The following KLHL28 variants were observed in gnomAD, a reference collection of about 807,000 sequenced individuals.
KLHL28 encodes the protein kelch-like protein 28.
Under a neutral mutation model 48.3 loss-of-function variants are expected in KLHL28, and 22 were observed. The observed-to-expected ratio is 0.46, with a 90% confidence interval of 0.33 to 0.65. The LOEUF (loss-of-function observed/expected upper bound fraction) is 0.65. Ranked by LOEUF, KLHL28 falls within the 30% of genes least tolerant of loss-of-function variation. KLHL28 has a pLI of 0.03. For synonymous variants in KLHL28, 243 were observed against 242.4 expected (o/e 1.00, Z -0.02); for missense variants, 527 against 704.3 (o/e 0.75, Z 2.85).
At chr14:44,952,081 G>A (rs1244940308) in intron 1 of KLHL28, among the ~76,000 whole-genome samples, 2 of 151,904 alleles carry the variant, frequency 1.3e-5, no homozygotes, top group Non-Finnish European at 2.9e-5. Context: ...GGCTAGTCTC[G>A]AACTCCTGGA....
chr14:44,955,837 C>T (rs1439193385), intron 1 of KLHL28, among the ~76,000 whole-genome samples: 1 of 152,076 alleles, frequency 6.6e-6, no homozygotes, highest in Non-Finnish European at 1.5e-5. Flanking sequence ...TCAAATACTA[C>T]AAGAGTCATA....
chr14:44,954,131 T>G (rs963089413), intron 1 of KLHL28, among the ~76,000 whole-genome samples: 1 of 152,176 alleles, frequency 6.6e-6, no homozygotes, highest in Admixed American at 6.5e-5. Context: ...CTTGACAGTA[T>G]AGTCTGTTGG....
intron 4 of KLHL28, among the ~76,000 whole-genome samples, chr14:44,929,934 A>T (rs1056500182): frequency 6.6e-6 from 1 of 151,256 alleles, no homozygotes. Context: ...TCCATAGGCT[A>T]TTTTTTTTTA....
Position 44,945,073 on chromosome 14 carries a change from A to C in KLHL28, c.856T>G (p.Cys286Gly). The C allele has an allele frequency of 1.2e-6, 2 of 1,613,248 alleles. No individual in the cohort carries two copies. Among genetic ancestry groups the C allele is most frequent in the Non-Finnish European group, 1.7e-6 (2 of 1,179,224 alleles). ...AGTCCAGATTTCCCTCCTACTGCAC[A>C]AAGTACTTTGGGAGCACAGCGAGGT... ...TRPRCAPKVL[C>G]AVGGKSGLFA... Residue 286 changes from cysteine to glycine, a missense_variant, in exon 2 of 5, where the codon TGT (cysteine) becomes GGT (glycine). Coordinates refer to ENST00000396128, the MANE Select transcript of KLHL28 (RefSeq NM_017658.5).
intron 3 of KLHL28, among the ~76,000 whole-genome samples, chr14:44,933,371 T>C (rs2138587806): frequency 6.6e-6 from 1 of 151,146 alleles, no homozygotes; most frequent in East Asian, 1.9e-4. Context: ...AGTGTAGTAG[T>C]GCATTCAAGG....
chr14:44,927,267 C>A lies in KLHL28; in HGVS notation c.*1761G>T, dbSNP rs1272448451. The A allele has an allele frequency of 1.3e-5, 2 of 152,524 alleles. No homozygotes were observed. The highest frequency in any genetic ancestry group is 4.8e-5 in the African/African-American group (2 of 41,418). The allele number at this position is 152,524 out of a possible 1,614,324, so 9.4% of individuals were successfully genotyped here. A position where few individuals can be genotyped will look rare whatever the true frequency, so the allele number is the denominator to read the frequency against. On this transcript the variant is annotated 3_prime_UTR_variant, in exon 5 of 5. Coordinates refer to ENST00000396128, the MANE Select transcript of KLHL28 (RefSeq NM_017658.5). ...AGTATATATTCAAATCTACAACTGG[C>A]AGTTTATGGAAGAACAAAGAACTGT...
chr14:44,951,145 C>G (rs1254945538), intron 1 of KLHL28, among the ~76,000 whole-genome samples: 1 of 152,238 alleles, frequency 6.6e-6, no homozygotes, highest in African/African-American at 2.4e-5. Flanking sequence ...TATTCTGTAG[C>G]TCTATTCTAA....
chr14:44,952,225 T>C (rs551659149), intron 1 of KLHL28, among the ~76,000 whole-genome samples: 4 of 152,136 alleles, frequency 2.6e-5, no homozygotes, highest in Non-Finnish European at 5.9e-5. Flanking sequence ...TTTAGAAAAA[T>C]GCACAGAATT....
intron 3 of KLHL28, among the ~76,000 whole-genome samples, chr14:44,932,292 A>G (rs1466835607): frequency 6.6e-6 from 1 of 151,058 alleles, no homozygotes; most frequent in Admixed American, 6.6e-5. Context: ...TCGTCACAGG[A>G]GAATTCATGT....
At chr14:44,955,177 A>C (rs1884741308) in intron 1 of KLHL28, among the ~76,000 whole-genome samples, 1 of 151,832 alleles carries the variant, frequency 6.6e-6, no homozygotes, top group Non-Finnish European at 1.5e-5. Context: ...GTATTTGAAT[A>C]AAAAGTATGA....
At chr14:44,961,733 C>T (rs1015692919) in intron 1 of KLHL28, 113 bp downstream of exon 1, 1 of 152,280 alleles carries the variant, frequency 6.6e-6, no homozygotes, top group African/African-American at 2.4e-5. Context: ...GAAGATGTCG[C>T]CTCTCTTTCC....
At position 44,953,019 on chromosome 14, in the gene KLHL28, C is replaced by G. The variant is rs990246059; in HGVS notation, c.1-7091G>C. On this transcript the variant is annotated intron_variant, in intron 1 of 4. Transcript: ENST00000396128. Reference sequence around the variant, plus strand: ...TACTTAATAGCTGGGCTATTTGATACTTGGGCAAATTACTTATTCTAAGCT... The same window carrying G: ...TACTTAATAGCTGGGCTATTTGATAGTTGGGCAAATTACTTATTCTAAGCT... Among the ~76,000 whole-genome samples, 3 of 151,948 alleles carry G rather than the reference C, an allele frequency of 2.0e-5. No individual in the cohort carries two copies. In the South Asian group the frequency reaches 6.2e-4, roughly 31 times the overall value.
chr14:44,949,884 C>A (rs930923370), intron 1 of KLHL28, among the ~76,000 whole-genome samples: 1 of 152,068 alleles, frequency 6.6e-6, no homozygotes, highest in Non-Finnish European at 1.5e-5. Flanking sequence ...ATATACAGAA[C>A]TACAGAGGAG....
In KLHL28 at chr14:44,938,485, C is replaced by T. The variant is rs181833294; in HGVS notation, c.900-3927G>A. Among the ~76,000 whole-genome samples, 588 of 152,154 alleles carry T rather than the reference C, an allele frequency of 3.9e-3. 3 individuals carry two copies. The highest frequency in any genetic ancestry group is 0.013 in the African/African-American group (555 of 41,504). On this transcript the variant is annotated intron_variant, in intron 2 of 4. Transcript: ENST00000396128. ...CTCCCGGGTTCACACCATTCTCCTG[C>T]CTCAGCCTCCCGAGTAGCTGGGACT...
intron 1 of KLHL28, among the ~76,000 whole-genome samples, chr14:44,957,881 T>C (rs1248904606): frequency 6.6e-6 from 1 of 152,086 alleles, no homozygotes; most frequent in East Asian, 1.9e-4. Flanking sequence ...ATTAAAAATG[T>C]GCAGAATGGA....
At chr14:44,955,110 T>C (rs1464307077) in intron 1 of KLHL28, among the ~76,000 whole-genome samples, 1 of 151,972 alleles carries the variant, frequency 6.6e-6, no homozygotes, top group Non-Finnish European at 1.5e-5. Flanking sequence ...ATTCTTGGTA[T>C]GGGAAAAAGA....
intron 1 of KLHL28, among the ~76,000 whole-genome samples, chr14:44,946,819 G>C (rs1884356362): frequency 2.6e-5 from 4 of 152,118 alleles, no homozygotes; most frequent in Admixed American, 2.6e-4. Context: ...GCTTCTCAAA[G>C]TGCGGGGATT....
At chr14:44,958,498 T>C (rs1001075662) in intron 1 of KLHL28, among the ~76,000 whole-genome samples, 5 of 152,184 alleles carry the variant, frequency 3.3e-5, no homozygotes, top group Non-Finnish European at 5.9e-5. Context: ...CTTAAATTTC[T>C]TTCCTACAGT....
chr14:44,934,002 C>A, intron 3 of KLHL28, 113 bp downstream of exon 3: 2 of 756,134 alleles, frequency 2.6e-6, no homozygotes, highest in Non-Finnish European at 4.2e-6. Context: ...ATTAAGTTTC[C>A]CAAATGCCGG....
Sources: gnomAD v4.1 joint callset for allele counts (sites outside exome capture counted in the v4.1 genomes callset) on GRCh38, gnomAD v4.1.1 for gene constraint, MANE v1.5 for transcripts, NCBI Gene and HGNC (gene_info 2026-07-23, HGNC 2026-07-21) for gene names.